Variants in CYP26C1 observed in about 807,000 individuals in gnomAD.
The protein encoded by CYP26C1 is cytochrome P450 family 26 subfamily C member 1, also known as cytochrome P450 26C1.
In CYP26C1, 41 loss-of-function variants were observed where a neutral mutation model predicts 39.1. The ratio of observed to expected loss-of-function variants is 1.05; its 90% CI spans 0.82 to 1.36. The LOEUF is 1.36. Among genes scored for constraint, CYP26C1 ranks in the 40% most tolerant of loss-of-function variants. The pLI is 0.00. For missense variants in CYP26C1, 833 were observed against 752.0 expected (o/e 1.11, Z -1.26); for synonymous variants, 362 against 350.8 (o/e 1.03, Z -0.36).
At position 93,068,535 on chromosome 10, in the gene CYP26C1, C is replaced by T; in HGVS notation, c.1407C>T (p.Leu469=). The change falls in exon 6 of 6, where the codon CTC becomes CTT. Residue 469 remains leucine (L), a synonymous_variant. Transcript: ENST00000651965. ...CLGQELAQAV[L]QLLAVELVRT... ...GCCAGGAGCTGGCGCAAGCCGTGCT[C>T]CAGCTGCTAGCTGTGGAGCTAGTGC... 1 of 1,601,278 alleles carries T rather than the reference C, an allele frequency of 6.2e-7. No homozygotes were observed. Among genetic ancestry groups the T allele is most frequent in the Non-Finnish European group, 8.5e-7 (1 of 1,174,362 alleles).
chr10:93,068,756 C>T lies in CYP26C1; in HGVS notation c.*59C>T. On this transcript the variant is annotated 3_prime_UTR_variant, in exon 6 of 6. Transcript: ENST00000651965. ...GGCTATGGCGCGCACGCAGCGCCACCCATCTGCCGCTCCCCATTGTAGCGT... is the reference window on the plus strand; with the variant it reads ...GGCTATGGCGCGCACGCAGCGCCACTCATCTGCCGCTCCCCATTGTAGCGT... The T allele has an allele frequency of 2.1e-6, 3 of 1,463,226 alleles. No individual in the cohort carries two copies. Among genetic ancestry groups the T allele is most frequent in the Non-Finnish European group, 2.7e-6 (3 of 1,108,928 alleles). The allele number at this position is 1,463,226 out of a possible 1,614,324, so 90.6% of individuals were successfully genotyped here.
Position 93,062,714 on chromosome 10 carries a change from C to G in CYP26C1, c.430-6C>G. On this transcript the variant is annotated splice_polypyrimidine_tract_variant and splice_region_variant and intron_variant, in intron 2 of 5. Transcript: ENST00000651965. ...CCGCCAGCGCTGATCACGCGCGCTC[C>G]CACAGGTCCTGGCGCGCGTGTTCAG... is the stretch of plus-strand genomic sequence containing the variant. 1 of 1,405,652 alleles carries G rather than the reference C, an allele frequency of 7.1e-7. No homozygotes were observed. The highest frequency in any genetic ancestry group is 3.3e-5 in the Admixed American group (1 of 30,468). The allele number at this position is 1,405,652 out of a possible 1,614,324, so 87.1% of individuals were successfully genotyped here.
rs1846769808 is a variant in CYP26C1, at chr10:93,062,855, A to G, written c.565A>G (p.Thr189Ala). 1 of 1,599,882 alleles carries G rather than the reference A, an allele frequency of 6.3e-7. No homozygotes were observed. The highest frequency in any genetic ancestry group is 8.5e-7 in the Non-Finnish European group (1 of 1,178,042). ...AGTCTACGACGCCTCCAAAGCGCTC[A>G]CCTTCCGCATGGCCGCGCGCATCCT... ...VSVYDASKAL[T>A]FRMAARILLG... The change falls in exon 3 of 6, where the codon ACC becomes GCC. Residue 189 changes from threonine to alanine, a missense_variant. Thr to Ala is a moderately conservative substitution (Grantham distance 58, BLOSUM62 0). Transcript: ENST00000651965.
At position 93,062,704 on chromosome 10, in the gene CYP26C1, A is replaced by T; in HGVS notation, c.430-16A>T. On this transcript the variant is annotated splice_polypyrimidine_tract_variant and intron_variant, in intron 2 of 5. Coordinates refer to ENST00000651965, the MANE Select transcript of CYP26C1 (RefSeq NM_183374.3). ...GGCCAGACCGCCGCCAGCGCTGATC[A>T]CGCGCGCTCCCACAGGTCCTGGCGC... 7.2e-7 allele frequency: 1 copy of T among 1,396,510 alleles called. No homozygotes were observed. Among genetic ancestry groups the T allele is most frequent in the East Asian group, 2.8e-5 (1 of 35,242 alleles). The allele number at this position is 1,396,510 out of a possible 1,614,324, so 86.5% of individuals were successfully genotyped here.
Position 93,061,448 on chromosome 10 carries a change from C to G in CYP26C1, c.185C>G (p.Thr62Arg), listed in dbSNP as rs755174603. ...GSMGWPFFGE[T>R]LHWLVQGSRF... is the part of the protein sequence containing the mutation. The stretch of plus-strand genomic sequence containing the variant: ...ATGGGGTGGCCCTTCTTCGGCGAAA[C>G]GCTGCACTGGTTAGTTCAGGTGAGC... The change falls in exon 1 of 6, where the codon ACG becomes AGG. Residue 62 changes from threonine (T) to arginine (R), a missense_variant. Transcript: ENST00000651965. 37 of 1,552,184 alleles carry G rather than the reference C, an allele frequency of 2.4e-5. No individual in the cohort carries two copies. Among genetic ancestry groups the G allele is most frequent in the Non-Finnish European group, 3.2e-5 (37 of 1,148,382 alleles).
Position 93,062,852 on chromosome 10 carries a change from C to T in CYP26C1, c.562C>T (p.Leu188Phe), listed in dbSNP as rs1178414447. 6.3e-7 allele frequency: 1 copy of T among 1,598,812 alleles called. No individual in the cohort carries two copies. Among genetic ancestry groups the T allele is most frequent in the Non-Finnish European group, 8.5e-7 (1 of 1,177,546 alleles). ...PVSVYDASKA[L>F]TFRMAARILL... ...CTCAGTCTACGACGCCTCCAAAGCG[C>T]TCACCTTCCGCATGGCCGCGCGCAT... The change falls in exon 3 of 6, where the codon CTC becomes TTC. Residue 188 changes from leucine to phenylalanine, a missense_variant. Coordinates refer to ENST00000651965, the MANE Select transcript of CYP26C1 (RefSeq NM_183374.3).
intron 3 of CYP26C1, chr10:93,064,039 G>A: frequency 9.2e-7 from 1 of 1,092,484 alleles, no homozygotes; most frequent in Non-Finnish European, 1.1e-6. Flanking sequence ...GCTGACCCTA[G>A]CCGCACTGGG....
intron 4 of CYP26C1, among the ~76,000 whole-genome samples, 195 bp from the exon 5 acceptor site, chr10:93,065,761 T>C (rs1421993470): frequency 6.6e-6 from 1 of 152,246 alleles, no homozygotes; most frequent in Non-Finnish European, 1.5e-5. Context: ...TACAGCTGAC[T>C]TTCCCAAATG....
Position 93,066,324 on chromosome 10 carries a change from T to TCCTGCCGCCTGCCGCCTGCCG in CYP26C1, c.1191+55_1191+75dup, listed in dbSNP as rs76924069. On this transcript the variant is annotated intron_variant, in intron 5 of 5. Coordinates refer to ENST00000651965, the MANE Select transcript of CYP26C1 (RefSeq NM_183374.3). ...GCCAGCCCATGGCCAGCCTCCTGCC[T>TCCTGCCGCCTGCCGCCTGCCG]CCTGCCGCCTGCCGCCTGCCGCCTG... 4.1e-5 allele frequency: 51 copies of TCCTGCCGCCTGCCGCCTGCCG among 1,232,686 alleles called. No homozygotes were observed. The African/African-American group carries it at 7.1e-4, about 17-fold the overall frequency. 76.4% of individuals were successfully genotyped at this position (1,232,686 alleles called of 1,614,324 possible).
chr10:93,064,329 C>T, intron 3 of CYP26C1, 52 bp from the exon 4 acceptor site: 1 of 1,562,472 alleles, frequency 6.4e-7, no homozygotes, highest in Admixed American at 1.8e-5. Context: ...AGTGGCCGGG[C>T]TTGGCCCCCT....
chr10:93,066,466 T>G (rs1199741242), intron 5 of CYP26C1, among the ~76,000 whole-genome samples, 181 bp downstream of exon 5: 3 of 152,190 alleles, frequency 2.0e-5, no homozygotes, highest in Non-Finnish European at 4.4e-5. Context: ...TGAGCCTTGT[T>G]CCACCTCCCC....
In CYP26C1 at chr10:93,062,032, G is replaced by A. The variant is rs1247532127; in HGVS notation, c.227G>A (p.Arg76His). Reference protein sequence around the residue: ...LVQGSRFHSSRRERYGTVFKT... With the variant: ...LVQGSRFHSSHRERYGTVFKT... ...CAGGGCTCGCGCTTCCACAGTTCTCGCCGAGAGCGCTATGGGACAGTGTTC... is the reference window on the plus strand; with the variant it reads ...CAGGGCTCGCGCTTCCACAGTTCTCACCGAGAGCGCTATGGGACAGTGTTC... Residue 76 changes from arginine to histidine, a missense_variant, in exon 2 of 6, where the codon CGC (arginine) becomes CAC (histidine). Physicochemically the swap from Arg to His is conservative, Grantham distance 29. Coordinates refer to ENST00000651965, the MANE Select transcript of CYP26C1 (RefSeq NM_183374.3). 1.3e-6 allele frequency: 2 copies of A among 1,571,614 alleles called. No homozygotes were observed. Among genetic ancestry groups the A allele is most frequent in the Non-Finnish European group, 1.7e-6 (2 of 1,159,124 alleles).
In CYP26C1 at chr10:93,069,027, A is replaced by G; in HGVS notation, c.*330A>G. ...TGCTTGGCTTCCCCTTCCCGAGCCA[A>G]TCCAGGGAGGGTGCATGGATGGGGG... is the stretch of plus-strand genomic sequence containing the variant. On this transcript the variant is annotated 3_prime_UTR_variant, in exon 6 of 6. Coordinates refer to ENST00000651965, the MANE Select transcript of CYP26C1 (RefSeq NM_183374.3). The G allele has an allele frequency of 3.8e-6, 1 of 260,124 alleles. No individual in the cohort carries two copies. The highest frequency in any genetic ancestry group is 7.2e-6 in the Non-Finnish European group (1 of 138,856). The allele number at this position is 260,124 out of a possible 1,614,324, so 16.1% of individuals were successfully genotyped here. A position where few individuals can be genotyped will look rare whatever the true frequency, so the allele number is the denominator to read the frequency against.
Position 93,068,396 on chromosome 10 carries a change from G to T in CYP26C1, c.1268G>T (p.Ser423Ile). The T allele has an allele frequency of 6.2e-7, 1 of 1,607,008 alleles. No homozygotes were observed. The highest frequency in any genetic ancestry group is 8.5e-7 in the Non-Finnish European group (1 of 1,177,532). ...CACGAGACGGCTGCGGTGTACCGCA[G>T]CCCTCCCGAAGGCTTCGATCCAGAG... is the stretch of plus-strand genomic sequence containing the variant. Reference protein sequence around the residue: ...DTHETAAVYRSPPEGFDPERF... With the variant: ...DTHETAAVYRIPPEGFDPERF... The change falls in exon 6 of 6, where the codon AGC (serine) becomes ATC (isoleucine). Residue 423 changes from serine to isoleucine, a missense_variant. By Grantham distance (142) the Ser-to-Ile change is moderately radical (BLOSUM62 -2). Transcript: ENST00000651965.
At chr10:93,065,902 G>A in intron 4 of CYP26C1, 54 bp from the exon 5 acceptor site, 1 of 1,457,344 alleles carries the variant, frequency 6.9e-7, no homozygotes, top group Non-Finnish European at 9.1e-7. Context: ...TCGGGTCAGC[G>A]CCCCGGGCGA....
At chr10:93,065,364 A>G (rs60374102) in intron 4 of CYP26C1, among the ~76,000 whole-genome samples, 1,670 of 152,322 alleles carry the variant, frequency 0.011, 28 homozygotes, top group African/African-American at 0.038. Flanking sequence ...GAAGACATTT[A>G]GTGACTCCCT....
Position 93,066,200 on chromosome 10 carries a change from T to C in CYP26C1, c.1106T>C (p.Val369Ala). 1.4e-6 allele frequency: 2 copies of C among 1,476,074 alleles called. No homozygotes were observed. The highest frequency in any genetic ancestry group is 1.8e-6 in the Non-Finnish European group (2 of 1,115,838). The allele number at this position is 1,476,074 out of a possible 1,614,324, so 91.4% of individuals were successfully genotyped here. A position where few individuals can be genotyped will look rare whatever the true frequency, so the allele number is the denominator to read the frequency against. Residue 369 changes from valine to alanine, a missense_variant, in exon 5 of 6, where the codon GTC (valine) becomes GCC (alanine). Coordinates refer to ENST00000651965, the MANE Select transcript of CYP26C1 (RefSeq NM_183374.3). The stretch of plus-strand genomic sequence containing the variant: ...GCGGCGCTGGGCCGTCTGCGCTACG[T>C]CGACTGCGTGGTCAAGGAGGTGCTG... ...SLAALGRLRY[V>A]DCVVKEVLRL... is the part of the protein sequence containing the mutation.
rs1165536765 is a variant in CYP26C1 at position 93,068,453 on chromosome 10, G to T, written c.1325G>T (p.Gly442Val). The T allele has an allele frequency of 1.9e-6, 3 of 1,611,628 alleles. No homozygotes were observed. Among genetic ancestry groups the T allele is most frequent in the South Asian group, 2.2e-5 (2 of 90,942 alleles). ...GGCGCAGCGCGCGAAGATTCCCGGG[G>T]CGCCTCCAGCCGCTTCCATTACATC... is the stretch of plus-strand genomic sequence containing the variant. Reference protein sequence around the residue: ...RFGAAREDSRGASSRFHYIPF... With the variant: ...RFGAAREDSRVASSRFHYIPF... The change falls in exon 6 of 6, where the codon GGC becomes GTC. Residue 442 changes from glycine to valine, a missense_variant. Coordinates refer to ENST00000651965, the MANE Select transcript of CYP26C1 (RefSeq NM_183374.3).
At position 93,063,000 on chromosome 10, in the gene CYP26C1, G is replaced by C. The variant is rs760324459; in HGVS notation, c.705+5G>C. 2 of 1,551,794 alleles carry C rather than the reference G, an allele frequency of 1.3e-6. No homozygotes were observed. Among genetic ancestry groups the C allele is most frequent in the South Asian group, 1.2e-5 (1 of 85,764 alleles). On this transcript the variant is annotated splice_donor_5th_base_variant and intron_variant, in intron 3 of 5. Transcript: ENST00000651965. ...CCCTTCAGTGGCCTACGCAAGGTAC[G>C]GCCGCCCCGGCTCCAGACCTTCCTC...
Sources: gnomAD v4.1 joint callset for allele counts (sites outside exome capture counted in the v4.1 genomes callset) on GRCh38, gnomAD v4.1.1 for gene constraint, MANE v1.5 for transcripts, NCBI Gene and HGNC (gene_info 2026-07-23, HGNC 2026-07-21) for gene names.